Variants in ATP10A observed in about 807,000 individuals in gnomAD.
ATP10A encodes the protein phospholipid-transporting ATPase VA.
In ATP10A, 111 loss-of-function variants were observed where a neutral mutation model predicts 147.8. That is an observed-to-expected ratio of 0.75 (90% CI 0.64 to 0.88). The LOEUF (loss-of-function observed/expected upper bound fraction) is 0.88. Among genes scored for constraint, ATP10A ranks in the 40% least tolerant of loss-of-function variants. The pLI is 0.00. For missense variants in ATP10A, 1,927 were observed against 1,959.0 expected (o/e 0.98, Z 0.31); for synonymous variants, 875 against 841.6 (o/e 1.04, Z -0.69).
chr15:25,677,238 C>T (rs193148910), downstream of ATP10A: 9 of 152,260 alleles, frequency 5.9e-5, no homozygotes, highest in Non-Finnish European at 1.2e-4. Flanking sequence ...TCATGAAGTT[C>T]GCCCCCATAT....
At chr15:25,827,679 G>A (rs73372820) in intron 1 of ATP10A, among the ~76,000 whole-genome samples, 1 of 152,080 alleles carries the variant, frequency 6.6e-6, no homozygotes, top group African/African-American at 2.4e-5. Flanking sequence ...GATAAAAATG[G>A]CACACAAGCA....
chr15:25,750,752 T>C (rs1888115275), intron 2 of ATP10A, among the ~76,000 whole-genome samples: 1 of 151,746 alleles, frequency 6.6e-6, no homozygotes, highest in African/African-American at 2.4e-5. Flanking sequence ...CAGTACAAAG[T>C]CTGGAAGGAG....
chr15:25,762,619 T>C lies in ATP10A; in HGVS notation c.654+18400A>G, dbSNP rs760144448. Among the ~76,000 whole-genome samples the C allele has an allele frequency of 1.1e-4, 17 of 152,006 alleles. No individual in the cohort carries two copies. In the South Asian group the frequency reaches 2.9e-3, roughly 26 times the overall value. The stretch of plus-strand genomic sequence containing the variant: ...ATTTTAGAGACAGGGTCTCACTCTA[T>C]TGCCTGGGCTAGTGTGTAGCAGCAC... On this transcript the variant is annotated intron_variant, in intron 2 of 20. Transcript: ENST00000555815.
chr15:25,768,144 C>G (rs982009172), intron 2 of ATP10A, among the ~76,000 whole-genome samples: 1 of 152,144 alleles, frequency 6.6e-6, no homozygotes, highest in Non-Finnish European at 1.5e-5. Context: ...AGTGCTGGGC[C>G]GGCATGACGA....
chr15:25,753,813 G>C (rs1247097192), intron 2 of ATP10A, among the ~76,000 whole-genome samples: 1 of 150,516 alleles, frequency 6.6e-6, no homozygotes, highest in African/African-American at 2.4e-5. Context: ...CAGGGTCTCT[G>C]TCACCCAGGC....
intron 13 of ATP10A, among the ~76,000 whole-genome samples, chr15:25,699,418 C>T (rs1272431163): frequency 6.6e-6 from 1 of 152,204 alleles, no homozygotes; most frequent in Non-Finnish European, 1.5e-5. Flanking sequence ...TCTAACCTAA[C>T]CCTCACACCT....
rs187435634 is a variant in ATP10A at position 25,767,769 on chromosome 15, G to A, written c.654+13250C>T. Among the ~76,000 whole-genome samples the A allele has an allele frequency of 7.2e-4, 110 of 152,336 alleles. 1 individual carries two copies. In the East Asian group the frequency reaches 0.02, roughly 27 times the overall value. On this transcript the variant is annotated intron_variant, in intron 2 of 20. Coordinates refer to ENST00000555815, the MANE Select transcript of ATP10A (RefSeq NM_024490.4). Reference sequence around the variant, plus strand: ...TGCTAGCTGCCTGTGCTAAGTGCTGGCAGATGTTCTCTGCAGCCACTGCAG... The same window carrying A: ...TGCTAGCTGCCTGTGCTAAGTGCTGACAGATGTTCTCTGCAGCCACTGCAG...
intron 2 of ATP10A, 108 bp from the exon 3 acceptor site, chr15:25,736,249 G>T: frequency 2.5e-6 from 2 of 801,950 alleles, no homozygotes; most frequent in South Asian, 2.9e-5. Context: ...TTTCACGGGG[G>T]AAGAACTCTG....
chr15:25,831,878 C>T (rs1349881943), intron 1 of ATP10A, among the ~76,000 whole-genome samples: 5 of 152,204 alleles, frequency 3.3e-5, no homozygotes, highest in Non-Finnish European at 7.3e-5. Context: ...CAGTACGTGA[C>T]TTTGGCGATT....
intron 13 of ATP10A, among the ~76,000 whole-genome samples, chr15:25,699,752 C>T (rs985470146): frequency 1.3e-5 from 2 of 152,076 alleles, no homozygotes; most frequent in African/African-American, 4.8e-5. Flanking sequence ...CCTGTGGTCC[C>T]AGGTACTAGG....
At chr15:25,706,219 G>A (rs1901002726) in intron 12 of ATP10A, among the ~76,000 whole-genome samples, 1 of 152,186 alleles carries the variant, frequency 6.6e-6, no homozygotes, top group Non-Finnish European at 1.5e-5. Flanking sequence ...TAACAACTTA[G>A]GATATGTTAA....
chr15:25,761,292 A>C (rs1888743475), intron 2 of ATP10A, among the ~76,000 whole-genome samples: 1 of 152,194 alleles, frequency 6.6e-6, no homozygotes, highest in Non-Finnish European at 1.5e-5. Flanking sequence ...TTACTGTATG[A>C]GTCTGTTCTC....
chr15:25,787,808 T>G (rs932362149), intron 1 of ATP10A, among the ~76,000 whole-genome samples: 4 of 151,540 alleles, frequency 2.6e-5, no homozygotes, highest in Non-Finnish European at 5.9e-5. Context: ...CCAAACTGTG[T>G]TTTTTTTGCT....
intron 14 of ATP10A, 56 bp from the exon 15 acceptor site, chr15:25,691,847 A>C: frequency 1.2e-6 from 2 of 1,605,710 alleles, no homozygotes; most frequent in Admixed American, 3.3e-5. Flanking sequence ...CACAGAATCA[A>C]ATCAATGTGC....
intron 2 of ATP10A, among the ~76,000 whole-genome samples, chr15:25,748,919 C>T (rs557286845): frequency 9.9e-5 from 15 of 151,252 alleles, no homozygotes; most frequent in Middle Eastern, 3.4e-3. Context: ...AAAAATTATC[C>T]GGGCGTGGTG....
intron 2 of ATP10A, among the ~76,000 whole-genome samples, chr15:25,742,959 G>A (rs541289931): frequency 6.6e-6 from 1 of 152,322 alleles, no homozygotes; most frequent in East Asian, 1.9e-4. Flanking sequence ...ACTACAGGTG[G>A]GGGTGATGGT....
chr15:25,701,906 A>C lies in ATP10A; in HGVS notation c.2760+10T>G, dbSNP rs1196495510. On this transcript the variant is annotated intron_variant, in intron 13 of 20. Transcript: ENST00000555815. The stretch of plus-strand genomic sequence containing the variant: ...GGGGAAGGAAGCGGAGCCACTTGAA[A>C]CCCACCTACCTGGGAGGTGGCATTC... 6.3e-7 allele frequency: 1 copy of C among 1,584,940 alleles called. No individual in the cohort carries two copies. The highest frequency in any genetic ancestry group is 8.6e-7 in the Non-Finnish European group (1 of 1,164,332).
chr15:25,843,726 C>T (rs1892907380), intron 1 of ATP10A, among the ~76,000 whole-genome samples: 2 of 152,136 alleles, frequency 1.3e-5, no homozygotes, highest in African/African-American at 2.4e-5. Flanking sequence ...AAGACAGACG[C>T]ACGGCTGCCA....
chr15:25,788,576 CCTCA>C (rs1370332081), intron 1 of ATP10A, among the ~76,000 whole-genome samples: 6 of 152,226 alleles, frequency 3.9e-5, no homozygotes, highest in African/African-American at 9.6e-5. Flanking sequence ...CATGGTTTTT[CCTCA>C]CTATTATTGT....
Sources: allele counts gnomAD v4.1 joint callset (sites outside exome capture counted in the v4.1 genomes callset), GRCh38; gene constraint gnomAD v4.1.1; transcripts MANE v1.5; gene names NCBI Gene and HGNC (gene_info 2026-07-23, HGNC 2026-07-21).